The following TTC19 variants were observed in gnomAD, a reference collection of about 807,000 sequenced individuals.
TTC19 encodes tetratricopeptide repeat domain 19.
TTC19 carries 38 observed loss-of-function variants against 49.5 expected under a neutral mutation model. The ratio of observed to expected loss-of-function variants is 0.77; its 90% CI spans 0.59 to 1.01. The LOEUF is 1.01. Among genes scored for constraint, TTC19 ranks in the 50% least tolerant of loss-of-function variants. The pLI is 0.00. For synonymous variants in TTC19, 204 were observed against 185.2 expected, an observed-to-expected ratio of 1.10 and a Z score of -0.83; for missense variants, 475 against 477.7, an observed-to-expected ratio of 0.99 and a Z score of 0.05.
Position 16,039,378 on chromosome 17 carries a change from T to C in TTC19, c.248-5125T>C, listed in dbSNP as rs759513680. ...TAGTGATGCATCAGAATTTGGGAAA[T>C]AAACTGGCTTTTTTGGGGAAAAGCA... On this transcript the variant is annotated intron_variant, in intron 2 of 2. Transcript: ENST00000470649. 7 of 1,547,308 alleles carry C rather than the reference T, an allele frequency of 4.5e-6. No individual in the cohort carries two copies. The African/African-American group carries it at 8.2e-5, about 18-fold the overall frequency.
At chr17:16,026,762 A>C (rs1463391308) in intron 9 of TTC19, 60 bp downstream of exon 9, 2 of 1,581,282 alleles carry the variant, frequency 1.3e-6, no homozygotes, top group Non-Finnish European at 1.7e-6. Flanking sequence ...CTGGATTGAT[A>C]GATTTGTGAA....
intron 2 of TTC19, chr17:16,039,386 C>CT: frequency 6.3e-7 from 1 of 1,581,482 alleles, no homozygotes; most frequent in African/African-American, 1.3e-5. Context: ...AATAAACTGG[C>CT]TTTTTTGGGG....
At chr17:16,027,102 C>T (rs1415474270) in intron 9 of TTC19, 1 of 526,422 alleles carries the variant, frequency 1.9e-6, no homozygotes. Context: ...TTTTCAGAAA[C>T]CTGGGATGAC....
chr17:16,014,829 T>G (rs1411820142), intron 7 of TTC19, among the ~76,000 whole-genome samples: 1 of 152,182 alleles, frequency 6.6e-6, no homozygotes, highest in Admixed American at 6.5e-5. Flanking sequence ...TTTATAAAAT[T>G]AGTTCATTGG....
chr17:16,043,718 C>T (rs2058146506), intron 2 of TTC19, among the ~76,000 whole-genome samples: 1 of 152,324 alleles, frequency 6.6e-6, no homozygotes, highest in African/African-American at 2.4e-5. Flanking sequence ...TTCCTGGCTG[C>T]TCTGAGATCT....
rs752231020 is a variant in TTC19 at position 16,026,610 on chromosome 17, A to AT, written c.903dup (p.Met302TyrfsTer15). On this transcript the variant is annotated frameshift_variant, in exon 9 of 10. Transcript: ENST00000261647. LOFTEE classifies it high-confidence loss of function. ...GGCCGCTTTGATGAGGCCTATATTT[A>AT]TATGCAAAGGGCATCAGATCTGGCA... 3.1e-6 allele frequency: 5 copies of AT among 1,614,030 alleles called. No individual in the cohort carries two copies. In the East Asian group the frequency reaches 1.1e-4, roughly 36 times the overall value.
intron 2 of TTC19, chr17:16,034,632 G>A (rs1973733100): frequency 2.4e-6 from 2 of 818,798 alleles, no homozygotes; most frequent in African/African-American, 3.4e-5. Flanking sequence ...CGGGAAAGTG[G>A]AACATATTAA....
At chr17:16,007,178 C>G (rs1014844619) in intron 7 of TTC19, among the ~76,000 whole-genome samples, 2 of 152,184 alleles carry the variant, frequency 1.3e-5, no homozygotes, top group African/African-American at 4.8e-5. Context: ...GGTCTTCTAA[C>G]TCTCTCTTGA....
At chr17:16,006,372 T>C (rs558243095) in intron 6 of TTC19, 102 bp from the exon 7 acceptor site, 152 of 856,750 alleles carry the variant, frequency 1.8e-4, no homozygotes, top group Non-Finnish European at 2.9e-4. Flanking sequence ...GTCACGCCAT[T>C]GCACTCCAGC....
At chr17:16,036,875 A>G (rs186293816) in intron 2 of TTC19, among the ~76,000 whole-genome samples, 70 of 152,382 alleles carry the variant, frequency 4.6e-4, no homozygotes, top group African/African-American at 1.6e-3. Context: ...TCACTGGAAT[A>G]GCACTTTCAA....
intron 7 of TTC19, chr17:16,023,558 T>G (rs570802232): frequency 6.6e-6 from 1 of 152,348 alleles, no homozygotes; most frequent in Admixed American, 6.5e-5. Context: ...ATAGCATGCC[T>G]ACGCGTGATG....
chr17:16,009,276 A>C (rs1458728687), intron 7 of TTC19, among the ~76,000 whole-genome samples: 1 of 152,084 alleles, frequency 6.6e-6, no homozygotes, highest in Non-Finnish European at 1.5e-5. Context: ...TAGGAGTGTA[A>C]AGCTATATTT....
rs778051209 is a variant in TTC19 at position 16,028,840 on chromosome 17, A to AAAAAAAC, written c.*1319_*1325dup. On this transcript the variant is annotated 3_prime_UTR_variant, in exon 10 of 10. Transcript: ENST00000261647. ...TCTCAAAAAAAAAAAAAAAAAAAAA[A>AAAAAAAC]AAAAAACTTTCTGAAGAAAATAAAA... 5 of 378,652 alleles carry AAAAAAAC rather than the reference A, an allele frequency of 1.3e-5. No individual in the cohort carries two copies. The highest frequency in any genetic ancestry group is 2.5e-5 in the Non-Finnish European group (5 of 197,848). 23.5% of individuals were successfully genotyped at this position (378,652 alleles called of 1,614,324 possible).
Position 16,026,558 on chromosome 17 carries a change from G to T in TTC19, c.850G>T (p.Asp284Tyr). 2 of 1,614,146 alleles carry T rather than the reference G, an allele frequency of 1.2e-6. No homozygotes were observed. The change falls in exon 9 of 10, where the codon GAC becomes TAC. Residue 284 changes from aspartate to tyrosine, a missense_variant. By Grantham distance (160) the Asp-to-Tyr change is radical (BLOSUM62 -3). Transcript: ENST00000261647. ...RHPQTIVLMSDLATTLDAQGR... is the reference protein window; with the variant it reads ...RHPQTIVLMSYLATTLDAQGR... ...CATACAGACCATTGTGCTGATGAGT[G>T]ACCTGGCTACTACCCTGGATGCACA...
At chr17:16,008,982 T>C (rs966677889) in intron 7 of TTC19, among the ~76,000 whole-genome samples, 1 of 152,316 alleles carries the variant, frequency 6.6e-6, no homozygotes, top group South Asian at 2.1e-4. Context: ...TTTTAGTCTT[T>C]GTCTTCCATA....
At chr17:16,004,156 A>C (rs777496042) in intron 5 of TTC19, 45 bp from the exon 6 acceptor site, 13 of 1,585,830 alleles carry the variant, frequency 8.2e-6, no homozygotes, top group Non-Finnish European at 1.1e-5. Flanking sequence ...ATGCCATGAA[A>C]AAATTTACTT....
downstream of TTC19, chr17:16,030,354 G>A (rs913861294): frequency 4.1e-5 from 9 of 218,570 alleles, no homozygotes; most frequent in African/African-American, 1.6e-4. Flanking sequence ...GTTCAAACCC[G>A]TGTTGTTCAA....
intron 7 of TTC19, among the ~76,000 whole-genome samples, chr17:16,021,454 G>T (rs568534477): frequency 2.6e-5 from 4 of 152,306 alleles, no homozygotes; most frequent in Non-Finnish European, 5.9e-5. Flanking sequence ...GGGGAAAGAC[G>T]CATAGTAAGC....
At chr17:16,014,426 A>G (rs930421818) in intron 7 of TTC19, among the ~76,000 whole-genome samples, 7 of 152,250 alleles carry the variant, frequency 4.6e-5, no homozygotes, top group Non-Finnish European at 1.0e-4. Context: ...GGAACATTCT[A>G]TAGCTCCTGC....
Sources: gnomAD v4.1 joint callset for allele counts (sites outside exome capture counted in the v4.1 genomes callset) on GRCh38, gnomAD v4.1.1 for gene constraint, MANE v1.5 for transcripts, NCBI Gene and HGNC (gene_info 2026-07-23, HGNC 2026-07-21) for gene names.